SGCD: variants seen among roughly 807,000 people sequenced by gnomAD.
SGCD encodes the protein delta-sarcoglycan.
A neutral mutation model predicts 36.6 loss-of-function variants in SGCD; 18 were observed. The ratio of observed to expected loss-of-function variants is 0.49; its 90% CI spans 0.34 to 0.73. SGCD has a LOEUF of 0.73. Among genes scored for constraint, SGCD ranks in the 30% least tolerant of loss-of-function variants. SGCD has a pLI of 0.01. For missense variants in SGCD, 387 were observed against 346.7 expected (o/e 1.12, Z -0.92); for synonymous variants, 133 against 130.6 (o/e 1.02, Z -0.12).
intron 3 of SGCD, among the ~76,000 whole-genome samples, chr5:156,373,475 G>T (rs1175811704): frequency 6.6e-6 from 1 of 152,148 alleles, no homozygotes; most frequent in East Asian, 1.9e-4. Context: ...CTACATTTAA[G>T]AATTAATTTA....
At chr5:156,668,631 A>G (rs1290602210) in intron 7 of SGCD, among the ~76,000 whole-genome samples, 1 of 152,214 alleles carries the variant, frequency 6.6e-6, no homozygotes, top group Non-Finnish European at 1.5e-5. Flanking sequence ...TAGCTCTTCC[A>G]TTAGAGACCA....
intron 1 of SGCD, among the ~76,000 whole-genome samples, chr5:155,891,283 G>A (rs527351055): frequency 6.6e-6 from 1 of 152,160 alleles, no homozygotes; most frequent in Admixed American, 6.6e-5. Context: ...CAACCCAAGT[G>A]TGTCTCAAGT....
chr5:156,553,537 A>G (rs1411961025), intron 4 of SGCD, among the ~76,000 whole-genome samples: 1 of 152,084 alleles, frequency 6.6e-6, no homozygotes, highest in Non-Finnish European at 1.5e-5. Context: ...TCTATTTTTT[A>G]CAATCATCAC....
chr5:156,087,640 C>CA (rs146938753), intron 1 of SGCD, among the ~76,000 whole-genome samples: 1,449 of 79,430 alleles, frequency 0.018, 19 homozygotes, highest in East Asian at 0.066. Context: ...AACTCCATCT[C>CA]AAAAAAAAAA....
At chr5:155,989,885 G>A (rs1001277003) in intron 1 of SGCD, among the ~76,000 whole-genome samples, 3 of 152,144 alleles carry the variant, frequency 2.0e-5, no homozygotes, top group African/African-American at 7.2e-5. Flanking sequence ...TTTGCAACAT[G>A]AAGAACTAGT....
At chr5:155,799,782 A>C in the SGCD span, among the ~76,000 whole-genome samples, 1 of 106,350 alleles carries the variant, frequency 9.4e-6, no homozygotes. Context: ...AAATGCTTTT[A>C]TCCTCTCCTT....
intron 7 of SGCD, among the ~76,000 whole-genome samples, chr5:156,738,286 T>C (rs1183222522): frequency 6.6e-6 from 1 of 152,148 alleles, no homozygotes; most frequent in East Asian, 1.9e-4. Flanking sequence ...ATGGAGGGTA[T>C]GGGGAGGACC....
chr5:156,078,583 A>ATT (rs200639684), intron 1 of SGCD, among the ~76,000 whole-genome samples: 6,664 of 139,788 alleles, frequency 0.048, 533 homozygotes, highest in African/African-American at 0.17. Context: ...TTATATTTAT[A>ATT]TATATTTATA....
In SGCD at chr5:156,069,847, T is replaced by A. The variant is rs572772615; in HGVS notation, c.-281-48031T>A. ...GCTCTCCTTGAAGATGTCCTTCACG[T>A]CCCTTGTAAGTTGGATTCCTAGGTA... On this transcript the variant is annotated intron_variant, in intron 1 of 9. Transcript: ENST00000517913. Among the ~76,000 whole-genome samples the A allele has an allele frequency of 1.3e-3, 204 of 152,256 alleles. 1 individual carries two copies. Among genetic ancestry groups the A allele is most frequent in the African/African-American group, 4.8e-3 (200 of 41,486 alleles).
At chr5:156,375,291 T>C (rs1401953629) in intron 3 of SGCD, among the ~76,000 whole-genome samples, 1 of 152,152 alleles carries the variant, frequency 6.6e-6, no homozygotes, top group Admixed American at 6.6e-5. Context: ...ATAAGCATAG[T>C]ACAATAATAA....
the SGCD span, among the ~76,000 whole-genome samples, chr5:155,842,961 A>G: frequency 6.6e-6 from 1 of 152,190 alleles, no homozygotes; most frequent in East Asian, 1.9e-4. Flanking sequence ...CCTGATTATA[A>G]GACTATCAAC....
At chr5:156,668,941 A>G (rs564610128) in intron 7 of SGCD, among the ~76,000 whole-genome samples, 1 of 152,280 alleles carries the variant, frequency 6.6e-6, no homozygotes, top group South Asian at 2.1e-4. Flanking sequence ...GTGGTCCCAT[A>G]CCAGCTGGAT....
intron 1 of SGCD, among the ~76,000 whole-genome samples, chr5:155,969,838 C>T (rs750611920): frequency 1.3e-5 from 2 of 152,076 alleles, no homozygotes; most frequent in Non-Finnish European, 2.9e-5. Context: ...CATCCATGGT[C>T]CCCATGACAT....
chr5:156,374,277 A>T (rs1770542923), intron 3 of SGCD, among the ~76,000 whole-genome samples: 1 of 152,214 alleles, frequency 6.6e-6, no homozygotes, highest in Non-Finnish European at 1.5e-5. Context: ...AATACCTGTG[A>T]AACAAGCTCA....
the SGCD span, among the ~76,000 whole-genome samples, chr5:155,737,165 G>C: frequency 6.6e-6 from 1 of 152,114 alleles, no homozygotes; most frequent in Non-Finnish European, 1.5e-5. Flanking sequence ...ATAAAACAAT[G>C]AGCTTGAAAA....
intron 3 of SGCD, among the ~76,000 whole-genome samples, chr5:156,363,158 A>G (rs1036058459): frequency 1.3e-5 from 2 of 152,148 alleles, no homozygotes; most frequent in Admixed American, 6.5e-5. Flanking sequence ...TGAAGTTTAT[A>G]CAAGCATAAT....
chr5:155,933,854 AGAG>A (rs371590015), intron 1 of SGCD, among the ~76,000 whole-genome samples: 16 of 152,356 alleles, frequency 1.1e-4, no homozygotes, highest in African/African-American at 3.8e-4. Flanking sequence ...GGTTATCTTC[AGAG>A]AAGACCGTCA....
At chr5:155,866,029 A>G (rs1027896426), upstream of SGCD, among the ~76,000 whole-genome samples, 1 of 152,184 alleles carries the variant, frequency 6.6e-6, no homozygotes, top group Non-Finnish European at 1.5e-5. Context: ...TTCAGCTCAC[A>G]ACTCAAACAG....
intron 1 of SGCD, among the ~76,000 whole-genome samples, chr5:156,079,649 A>G (rs1760896632): frequency 6.6e-6 from 1 of 152,228 alleles, no homozygotes; most frequent in Non-Finnish European, 1.5e-5. Flanking sequence ...GATGGCAGTA[A>G]CTAAATCTTA....
Sources: allele counts gnomAD v4.1 joint callset (sites outside exome capture counted in the v4.1 genomes callset), GRCh38; gene constraint gnomAD v4.1.1; transcripts MANE v1.5; gene names NCBI Gene and HGNC (gene_info 2026-07-23, HGNC 2026-07-21).